Variants in MEGF10 observed in about 807,000 individuals in gnomAD.
MEGF10 encodes multiple epidermal growth factor-like domains protein 10.
A neutral mutation model predicts 147.5 loss-of-function variants in MEGF10; 86 were observed. That is an observed-to-expected ratio of 0.58 (90% CI 0.49 to 0.70). MEGF10 has a LOEUF of 0.70. Among genes scored for constraint, MEGF10 ranks in the 30% least tolerant of loss-of-function variants. The pLI, the probability that MEGF10 is intolerant of heterozygous loss-of-function variation, is 0.00. For missense variants in MEGF10, 1,329 were observed against 1,487.3 expected (o/e 0.89, Z 1.75); for synonymous variants, 478 against 525.5 (o/e 0.91, Z 1.24).
At chr5:127,270,664 C>A in the MEGF10 span, among the ~76,000 whole-genome samples, 2 of 152,006 alleles carry the variant, frequency 1.3e-5, no homozygotes, top group East Asian at 3.9e-4. Flanking sequence ...GTCAACATTA[C>A]CCAGGTATTA....
chr5:127,402,283 A>G (rs561027316), intron 7 of MEGF10, among the ~76,000 whole-genome samples: 112 of 152,320 alleles, frequency 7.4e-4, no homozygotes, highest in Non-Finnish European at 1.3e-3. Flanking sequence ...TCAGTTTTTA[A>G]TATGGATTTT....
intron 7 of MEGF10, among the ~76,000 whole-genome samples, chr5:127,399,267 T>C (rs960662626): frequency 6.6e-6 from 1 of 152,230 alleles, no homozygotes. Context: ...TTACCAAGTA[T>C]TGCAGGACTT....
chr5:127,281,223 T>C, the MEGF10 span, among the ~76,000 whole-genome samples: 2 of 152,208 alleles, frequency 1.3e-5, no homozygotes, highest in Non-Finnish European at 2.9e-5. Context: ...CTGGGTGTTA[T>C]ACTCAGCACC....
At chr5:127,344,292 A>G (rs1761790943) in intron 4 of MEGF10, among the ~76,000 whole-genome samples, 1 of 152,192 alleles carries the variant, frequency 6.6e-6, no homozygotes, top group African/African-American at 2.4e-5. Flanking sequence ...GTCATGGTTA[A>G]ATTTATTGTG....
At chr5:127,261,648 C>A in the MEGF10 span, among the ~76,000 whole-genome samples, 25 of 152,138 alleles carry the variant, frequency 1.6e-4, no homozygotes, top group Admixed American at 2.6e-4. Flanking sequence ...GGTTCATATG[C>A]TAACTCTAAC....
At chr5:127,444,699 G>A (rs1339063150) in intron 19 of MEGF10, 2 of 152,202 alleles carry the variant, frequency 1.3e-5, no homozygotes, top group African/African-American at 4.8e-5. Flanking sequence ...AATTTAATGA[G>A]TAAGGTATTA....
At chr5:127,298,752 C>G (rs2194080) in intron 1 of MEGF10, among the ~76,000 whole-genome samples, 13,580 of 152,116 alleles carry the variant, frequency 0.089, 860 homozygotes, top group South Asian at 0.17. Context: ...CCTCTCCTCT[C>G]TACTTGAAGG....
At chr5:127,334,353 A>G (rs1761385417) in intron 2 of MEGF10, among the ~76,000 whole-genome samples, 1 of 152,126 alleles carries the variant, frequency 6.6e-6, no homozygotes, top group Admixed American at 6.6e-5. Context: ...CTTGTTAGAA[A>G]TACAGACTCT....
intron 16 of MEGF10, among the ~76,000 whole-genome samples, chr5:127,438,118 G>A (rs1459701017): frequency 6.6e-6 from 1 of 152,118 alleles, no homozygotes; most frequent in Non-Finnish European, 1.5e-5. Context: ...TCTCCCTTGG[G>A]CCTGGAACAG....
In MEGF10 at chr5:127,420,192, C is replaced by G. The variant is rs765445505; in HGVS notation, c.1575C>G (p.Cys525Trp). 1 of 1,613,960 alleles carries G rather than the reference C, an allele frequency of 6.2e-7. No homozygotes were observed. The highest frequency in any genetic ancestry group is 8.5e-7 in the Non-Finnish European group (1 of 1,179,986). ...CACCTGGATGGCGCGGGGAGAAATG[C>G]GAACTTCCCTGCCAGGTATGCACAA... ...TCAPGWRGEK[C>W]ELPCQDGTYG... The change falls in exon 12 of 25, where the codon TGC (cysteine) becomes TGG (tryptophan). Residue 525 changes from cysteine to tryptophan, a missense_variant. Cys to Trp is a radical substitution (Grantham distance 215, BLOSUM62 -2). Coordinates refer to ENST00000503335, the MANE Select transcript of MEGF10 (RefSeq NM_001256545.2).
chr5:127,329,534 GTTTA>G (rs1019929325), intron 1 of MEGF10, among the ~76,000 whole-genome samples: 35 of 151,654 alleles, frequency 2.3e-4, no homozygotes, highest in African/African-American at 7.7e-4. Context: ...TGTTATTGTT[GTTTA>G]TTTGTTTATT....
At chr5:127,336,131 A>G (rs972076480) in intron 2 of MEGF10, among the ~76,000 whole-genome samples, 1 of 151,138 alleles carries the variant, frequency 6.6e-6, no homozygotes, top group Non-Finnish European at 1.5e-5. Context: ...GTAGTTTAAC[A>G]TAGTTAAATT....
the MEGF10 span, among the ~76,000 whole-genome samples, chr5:127,231,752 C>G: frequency 3.3e-5 from 5 of 152,152 alleles, no homozygotes; most frequent in Non-Finnish European, 5.9e-5. Context: ...GGCCAGTGCC[C>G]CTTCCTTCAT....
chr5:127,354,219 G>A (rs1029511676), intron 4 of MEGF10, among the ~76,000 whole-genome samples: 1 of 152,078 alleles, frequency 6.6e-6, no homozygotes, highest in African/African-American at 2.4e-5. Context: ...AGAAAACAAT[G>A]GGTTTTAAGC....
intron 16 of MEGF10, among the ~76,000 whole-genome samples, 196 bp downstream of exon 16, chr5:127,435,685 T>C (rs925416462): frequency 6.6e-6 from 1 of 152,168 alleles, no homozygotes; most frequent in Non-Finnish European, 1.5e-5. Flanking sequence ...GGTCCTATGT[T>C]TAAATCCAAA....
intron 8 of MEGF10, among the ~76,000 whole-genome samples, chr5:127,408,136 A>C (rs569412904): frequency 2.1e-4 from 32 of 152,342 alleles, no homozygotes; most frequent in South Asian, 1.0e-3. Flanking sequence ...GTCTCTGCCA[A>C]GATATGATAA....
chr5:127,379,318 T>C (rs564752444), intron 5 of MEGF10, among the ~76,000 whole-genome samples: 5 of 152,138 alleles, frequency 3.3e-5, no homozygotes, highest in Non-Finnish European at 5.9e-5. Context: ...AAAAATGTAC[T>C]TTAGAGCATG....
At chr5:127,315,669 G>A (rs1201204868) in intron 1 of MEGF10, among the ~76,000 whole-genome samples, 1 of 152,098 alleles carries the variant, frequency 6.6e-6, no homozygotes, top group Non-Finnish European at 1.5e-5. Flanking sequence ...AGCTACTCAG[G>A]AGGCTGAGGT....
At chr5:127,448,031 C>T (rs1411998991) in intron 21 of MEGF10, among the ~76,000 whole-genome samples, 1 of 152,132 alleles carries the variant, frequency 6.6e-6, no homozygotes, top group Non-Finnish European at 1.5e-5. Flanking sequence ...AATAATGACT[C>T]ATAATGACAT....
Sources: allele counts gnomAD v4.1 joint callset (sites outside exome capture counted in the v4.1 genomes callset), GRCh38; gene constraint gnomAD v4.1.1; transcripts MANE v1.5; gene names NCBI Gene and HGNC (gene_info 2026-07-23, HGNC 2026-07-21).